CDH22: variants seen among roughly 807,000 people sequenced by gnomAD.
CDH22 encodes the protein cadherin-22.
In CDH22, 30 loss-of-function variants were observed where a neutral mutation model predicts 58.4. The observed-to-expected ratio is 0.51, with a 90% CI of 0.38 to 0.70. The LOEUF (loss-of-function observed/expected upper bound fraction) is 0.70. Ranked by LOEUF, CDH22 falls within the 30% of genes least tolerant of loss-of-function variation. CDH22 has a pLI of 0.00. For synonymous variants in CDH22, 513 were observed against 558.2 expected, an observed-to-expected ratio of 0.92 and a Z score of 1.14; for missense variants, 1,014 against 1,233.9, an observed-to-expected ratio of 0.82 and a Z score of 2.67.
intron 1 of CDH22, among the ~76,000 whole-genome samples, chr20:46,262,186 T>C (rs2086436151): frequency 6.7e-6 from 1 of 148,562 alleles, no homozygotes; most frequent in African/African-American, 2.5e-5. Context: ...AGAGGGTGTT[T>C]GCATCTCTGA....
chr20:46,273,833 A>G (rs531677341), intron 1 of CDH22, among the ~76,000 whole-genome samples: 3 of 152,332 alleles, frequency 2.0e-5, no homozygotes, highest in Admixed American at 1.3e-4. Flanking sequence ...TGAGGAATCC[A>G]AGAGCTAGGA....
intron 3 of CDH22, among the ~76,000 whole-genome samples, chr20:46,236,564 AAT>A (rs1412605403): frequency 7.1e-6 from 1 of 140,998 alleles, no homozygotes; most frequent in African/African-American, 2.6e-5. Context: ...TATAAAAATA[AAT>A]ATATATTATA....
intron 1 of CDH22, among the ~76,000 whole-genome samples, chr20:46,253,537 T>C (rs1286272073): frequency 6.6e-6 from 1 of 152,172 alleles, no homozygotes; most frequent in East Asian, 1.9e-4. Flanking sequence ...ATGACTTCTA[T>C]GGGCCTGGGC....
Position 46,251,615 on chromosome 20 carries a change from T to G in CDH22, c.-321A>C. On this transcript the variant is annotated 5_prime_UTR_variant, in exon 2 of 12. An upstream start codon of the reference 5' UTR is lost. Transcript: ENST00000537909. This position sits in a 1 kb window ranked among gnomAD's most constrained non-coding sequence, Gnocchi z 6.7. ...CAGCTCCAGAGTCGGGGAAGCGCCA[T>G]GGTTCCTGCGCAGAAAGGATGCGGG... 1 of 214,234 alleles carries G rather than the reference T, an allele frequency of 4.7e-6. No homozygotes were observed. Among genetic ancestry groups the G allele is most frequent in the Non-Finnish European group, 9.1e-6 (1 of 109,720 alleles). The allele number at this position is 214,234 out of a possible 1,614,324, so 13.3% of individuals were successfully genotyped here.
intron 3 of CDH22, among the ~76,000 whole-genome samples, chr20:46,238,301 G>A (rs780280128): frequency 2.0e-5 from 3 of 152,086 alleles, no homozygotes; most frequent in Non-Finnish European, 4.4e-5. Context: ...AGGGGCTGCC[G>A]GACCTAGAAA....
chr20:46,175,473 G>T (rs1268318911), intron 11 of CDH22, among the ~76,000 whole-genome samples: 1 of 152,108 alleles, frequency 6.6e-6, no homozygotes, highest in Non-Finnish European at 1.5e-5. Flanking sequence ...GGAGCTGGAG[G>T]AGTGAAAGAT....
chr20:46,301,498 TA>T (rs34249422), intron 1 of CDH22, among the ~76,000 whole-genome samples: 17 of 138,072 alleles, frequency 1.2e-4, no homozygotes, highest in African/African-American at 4.6e-4. Flanking sequence ...ACTTGCCTAT[TA>T]AAAAAATATA....
At chr20:46,263,406 C>CTCTCTG (rs1555806371) in intron 1 of CDH22, among the ~76,000 whole-genome samples, 2 of 150,378 alleles carry the variant, frequency 1.3e-5, no homozygotes, top group African/African-American at 4.9e-5. Context: ...GCCTTCCATT[C>CTCTCTG]TGTGTGTGTG....
At chr20:46,290,110 G>A (rs921225049) in intron 1 of CDH22, among the ~76,000 whole-genome samples, 2 of 152,164 alleles carry the variant, frequency 1.3e-5, no homozygotes, top group Non-Finnish European at 2.9e-5. Flanking sequence ...TTTGAGAATG[G>A]GTCAAGAAAT....
chr20:46,290,496 A>G (rs1215208989), intron 1 of CDH22, among the ~76,000 whole-genome samples: 2 of 152,222 alleles, frequency 1.3e-5, no homozygotes, highest in Non-Finnish European at 2.9e-5. Context: ...TGGAGGATTT[A>G]TTCATTCTCT....
chr20:46,183,731 CA>C (rs1290271137), intron 10 of CDH22, among the ~76,000 whole-genome samples: 1 of 149,686 alleles, frequency 6.7e-6, no homozygotes, highest in African/African-American at 2.5e-5. Context: ...ACAGGACTCC[CA>C]GGGGTACAGA....
At chr20:46,209,670 C>A (rs976038884) in intron 7 of CDH22, among the ~76,000 whole-genome samples, 16 of 152,120 alleles carry the variant, frequency 1.1e-4, no homozygotes, top group Non-Finnish European at 2.9e-5. Context: ...ATTCTGGATC[C>A]ATTTTTAAGG....
rs1247635230 is a variant in CDH22, at chr20:46,300,769, C to G, written c.-400+7486G>C. On this transcript the variant is annotated intron_variant, in intron 1 of 11. Coordinates refer to ENST00000537909, the MANE Select transcript of CDH22 (RefSeq NM_021248.3). The surrounding 1 kb of genome is among the most constrained non-coding windows in gnomAD (Gnocchi z 4.4). The stretch of plus-strand genomic sequence containing the variant: ...CTTGAGGAATCTGGTGAGCGCCACA[C>G]GACTCCTGCCAAAAACGTCCCAGTG... Among the ~76,000 whole-genome samples the G allele has an allele frequency of 1.3e-5, 2 of 152,228 alleles. No homozygotes were observed. Among genetic ancestry groups the G allele is most frequent in the African/African-American group, 4.8e-5 (2 of 41,450 alleles).
intron 4 of CDH22, among the ~76,000 whole-genome samples, chr20:46,223,349 T>C (rs2086139891): frequency 6.6e-6 from 1 of 152,098 alleles, no homozygotes; most frequent in Non-Finnish European, 1.5e-5. Flanking sequence ...TTGGCCCTTC[T>C]CTTATTTCTA....
At chr20:46,255,863 T>C (rs1199375046) in intron 1 of CDH22, among the ~76,000 whole-genome samples, 1 of 152,208 alleles carries the variant, frequency 6.6e-6, no homozygotes, top group Admixed American at 6.5e-5. Context: ...CCGCCTCCCA[T>C]GAGACCTGGG....
Position 46,241,104 on chromosome 20 carries a change from C to T in CDH22, c.409G>A (p.Ala137Thr). ...TTGGTGGCGCGATCCCGAGCCTGGGCCCGCAGCGTGTAGAAGGTTTTCTGC... is the reference window on the plus strand; with the variant it reads ...TTGGTGGCGCGATCCCGAGCCTGGGTCCGCAGCGTGTAGAAGGTTTTCTGC... ...REQKTFYTLRAQARDRATNRL... is the reference protein window; with the variant it reads ...REQKTFYTLRTQARDRATNRL... The change falls in exon 3 of 12, where the codon GCC (alanine) becomes ACC (threonine). Residue 137 changes from alanine (A) to threonine (T), a missense_variant. By Grantham distance (58) the Ala-to-Thr change is moderately conservative. This residue lies in a region of CDH22 where 806 missense variants were observed against 1,038.7 expected (regional missense o/e 0.78). Transcript: ENST00000537909. This position sits in a 1 kb window ranked among gnomAD's most constrained non-coding sequence, Gnocchi z 5.2. 1 of 1,614,200 alleles carries T rather than the reference C, an allele frequency of 6.2e-7. No individual in the cohort carries two copies. Among genetic ancestry groups the T allele is most frequent in the South Asian group, 1.1e-5 (1 of 91,088 alleles).
intron 11 of CDH22, among the ~76,000 whole-genome samples, chr20:46,177,019 G>C (rs548408166): frequency 3.7e-4 from 57 of 152,332 alleles, no homozygotes; most frequent in Admixed American, 3.7e-3. Flanking sequence ...TGAGCCATGG[G>C]CTAGGGTGGG....
At chr20:46,181,379 A>G (rs997131316) in intron 10 of CDH22, among the ~76,000 whole-genome samples, 1 of 152,104 alleles carries the variant, frequency 6.6e-6, no homozygotes, top group Non-Finnish European at 1.5e-5. Flanking sequence ...GTTTAGGGAG[A>G]GGGAACAGCG....
At chr20:46,305,209 C>G (rs1405495471) in intron 1 of CDH22, among the ~76,000 whole-genome samples, 1 of 152,250 alleles carries the variant, frequency 6.6e-6, no homozygotes, top group Non-Finnish European at 1.5e-5. Context: ...GAAAGACAGT[C>G]CTATCATGCC....
Sources: gnomAD v4.1 joint callset for allele counts (sites outside exome capture counted in the v4.1 genomes callset) on GRCh38, gnomAD v4.1.1 for gene constraint, gnomAD v4.1.1 regional missense constraint, Gnocchi (gnomAD v3.1) non-coding constraint, MANE v1.5 for transcripts, NCBI Gene and HGNC (gene_info 2026-07-23, HGNC 2026-07-21) for gene names.